Variants in GRB10 observed in about 807,000 individuals in gnomAD.
The protein encoded by GRB10 is growth factor receptor bound protein 10, also known as growth factor receptor-bound protein 10.
A neutral mutation model predicts 80.9 loss-of-function variants in GRB10; 20 were observed. The observed-to-expected ratio is 0.25, with a 90% CI of 0.17 to 0.36. The LOEUF is 0.36. Among genes scored for constraint, GRB10 ranks in the 10% least tolerant of loss-of-function variants. The pLI is 1.00. For missense variants in GRB10, 548 were observed against 747.7 expected (o/e 0.73, Z 3.12); for synonymous variants, 291 against 291.5 (o/e 1.00, Z 0.02).
chr7:50,686,215 G>A (rs896760116), intron 5 of GRB10, among the ~76,000 whole-genome samples: 3 of 152,078 alleles, frequency 2.0e-5, no homozygotes, highest in African/African-American at 4.8e-5. Context: ...GATGGAATTC[G>A]TGCCCTTATA....
intron 3 of GRB10, among the ~76,000 whole-genome samples, chr7:50,734,478 C>A (rs1025478328): frequency 6.6e-6 from 1 of 152,122 alleles, no homozygotes; most frequent in African/African-American, 2.4e-5. Context: ...GCACGCCGCA[C>A]GCCTCCCTGC....
intron 3 of GRB10, among the ~76,000 whole-genome samples, chr7:50,750,275 T>C (rs958521305): frequency 7.2e-5 from 11 of 152,178 alleles, no homozygotes; most frequent in African/African-American, 2.7e-4. Context: ...TAATCATAAA[T>C]TTCAAGGATG....
At position 50,592,761 on chromosome 7, in the gene GRB10, C is replaced by A. The variant is rs1401719145; in HGVS notation, c.*191G>T. On this transcript the variant is annotated 3_prime_UTR_variant, in exon 19 of 19. Transcript: ENST00000401949. ...GCCGATGCAGAGGGAGGCGACCCTG[C>A]TGGGTTCACAGCAGCAAATCGTCGT... is the stretch of plus-strand genomic sequence containing the variant. The A allele has an allele frequency of 1.5e-5, 10 of 665,558 alleles. No homozygotes were observed. Among genetic ancestry groups the A allele is most frequent in the Non-Finnish European group, 2.6e-5 (10 of 382,668 alleles). 41.2% of individuals were successfully genotyped at this position (665,558 alleles called of 1,614,324 possible).
At chr7:50,767,571 C>A (rs764037764) in intron 2 of GRB10, among the ~76,000 whole-genome samples, 2 of 152,174 alleles carry the variant, frequency 1.3e-5, no homozygotes, top group African/African-American at 2.4e-5. Context: ...ATCCACCCAT[C>A]GCACTCTTGA....
At chr7:50,751,860 T>C (rs1455907545) in intron 3 of GRB10, among the ~76,000 whole-genome samples, 1 of 152,240 alleles carries the variant, frequency 6.6e-6, no homozygotes, top group Non-Finnish European at 1.5e-5. Flanking sequence ...AAACACTGAA[T>C]TAGTGAATGG....
chr7:50,776,793 G>A (rs1250839005), intron 2 of GRB10, among the ~76,000 whole-genome samples: 1 of 152,098 alleles, frequency 6.6e-6, no homozygotes, highest in Non-Finnish European at 1.5e-5. Flanking sequence ...ACAGCAGAAC[G>A]GGCTTTACTG....
intron 5 of GRB10, among the ~76,000 whole-genome samples, chr7:50,697,147 G>A (rs1275598436): frequency 6.6e-6 from 1 of 152,200 alleles, no homozygotes; most frequent in Non-Finnish European, 1.5e-5. Flanking sequence ...ACCAGGGACT[G>A]GGGAGAATTA....
At chr7:50,690,098 A>C (rs1273442714) in intron 5 of GRB10, among the ~76,000 whole-genome samples, 1 of 152,124 alleles carries the variant, frequency 6.6e-6, no homozygotes, top group Non-Finnish European at 1.5e-5. Flanking sequence ...GGAGTCTGAG[A>C]CCAGCCTGAC....
At chr7:50,753,202 G>A (rs944215489) in intron 3 of GRB10, among the ~76,000 whole-genome samples, 6 of 152,184 alleles carry the variant, frequency 3.9e-5, no homozygotes, top group Non-Finnish European at 8.8e-5. Context: ...GCAAACTGAA[G>A]TCTACTCTGA....
chr7:50,629,867 C>T (rs373507435), intron 7 of GRB10, among the ~76,000 whole-genome samples: 3 of 152,222 alleles, frequency 2.0e-5, no homozygotes, highest in South Asian at 2.1e-4. Context: ...ATCCAGTGTT[C>T]AAGCATCTCA....
In GRB10 at chr7:50,681,153, A is replaced by C. The variant is rs190908795; in HGVS notation, c.140-6495T>G. On this transcript the variant is annotated intron_variant, in intron 5 of 18. Transcript: ENST00000401949. ...CTGCTATTTAGATTCAAAGCAACTA[A>C]GAAGCGACTGAGAGCCAAATCTCAG... 1.3e-3 allele frequency among the ~76,000 whole-genome samples: 193 copies of C among 152,366 alleles called. 1 individual carries two copies. Among genetic ancestry groups the C allele is most frequent in the African/African-American group, 4.5e-3 (187 of 41,582 alleles).
At chr7:50,744,156 T>C (rs1200300472) in intron 3 of GRB10, among the ~76,000 whole-genome samples, 1 of 151,728 alleles carries the variant, frequency 6.6e-6, no homozygotes, top group South Asian at 2.1e-4. Context: ...CAGGTCAGAG[T>C]ACTGCCTCAA....
At chr7:50,793,132 G>A (rs1290916683) in intron 1 of GRB10, 2 of 143,240 alleles carry the variant, frequency 1.4e-5, no homozygotes, top group African/African-American at 5.0e-5. Context: ...CTCAGACAAT[G>A]ACGGCGCGGG....
At chr7:50,635,616 G>A (rs1297230973) in intron 7 of GRB10, among the ~76,000 whole-genome samples, 1 of 151,796 alleles carries the variant, frequency 6.6e-6, no homozygotes, top group Non-Finnish European at 1.5e-5. Flanking sequence ...TCTTTGAAAG[G>A]ATAAATAAAA....
chr7:50,659,506 C>T (rs2059003105), intron 7 of GRB10, among the ~76,000 whole-genome samples: 1 of 152,204 alleles, frequency 6.6e-6, no homozygotes, highest in Non-Finnish European at 1.5e-5. Context: ...ACCGAGGACA[C>T]CCGAACCTGC....
Position 50,669,733 on chromosome 7 carries a change from C to T in GRB10, c.493G>A (p.Ala165Thr), listed in dbSNP as rs772801673. ...AGGGGCACACTCACCTGCTTTGCGG[C>T]GGCCTGGCTCGGAGGTAAAGAACCC... ...TPGSLPPSQA[A>T]AKQDVKVFSE... The change falls in exon 7 of 19, where the codon GCC (alanine) becomes ACC (threonine). Residue 165 changes from alanine (A) to threonine (T), a missense_variant. This residue lies in a region of GRB10 where 245 missense variants were observed against 229.3 expected (regional missense o/e 1.07). Coordinates refer to ENST00000401949, the MANE Select transcript of GRB10 (RefSeq NM_001350814.2). The T allele has an allele frequency of 6.9e-5, 112 of 1,612,998 alleles. No homozygotes were observed. Among genetic ancestry groups the T allele is most frequent in the East Asian group, 1.1e-4 (5 of 44,888 alleles).
At chr7:50,628,078 C>T (rs541344963) in intron 7 of GRB10, among the ~76,000 whole-genome samples, 10 of 152,316 alleles carry the variant, frequency 6.6e-5, no homozygotes, top group East Asian at 3.9e-4. Context: ...CCACAACAAC[C>T]GCAACAACAC....
intron 7 of GRB10, among the ~76,000 whole-genome samples, chr7:50,638,202 G>T (rs2055443081): frequency 6.6e-6 from 1 of 152,192 alleles, no homozygotes; most frequent in Non-Finnish European, 1.5e-5. Flanking sequence ...AAAACTTTTG[G>T]AGTTTGGCCT....
intron 2 of GRB10, chr7:50,761,545 G>A (rs1246975442): frequency 3.3e-5 from 5 of 152,200 alleles, no homozygotes. Context: ...AGGTAATGAA[G>A]AAGCAAAAAT....
Sources: allele counts gnomAD v4.1 joint callset (sites outside exome capture counted in the v4.1 genomes callset), GRCh38; gene constraint gnomAD v4.1.1; regional missense constraint gnomAD v4.1.1; transcripts MANE v1.5; gene names NCBI Gene and HGNC (gene_info 2026-07-23, HGNC 2026-07-21).